DOCK1: variants seen among roughly 807,000 people sequenced by gnomAD.
The protein encoded by DOCK1 is dedicator of cytokinesis 1, also known as dedicator of cytokinesis protein 1.
In DOCK1, 138 loss-of-function variants were observed where a neutral mutation model predicts 262.7. The observed-to-expected ratio is 0.53, with a 90% confidence interval of 0.46 to 0.61. The LOEUF is 0.61. Ranked by LOEUF, DOCK1 falls within the 20% of genes least tolerant of loss-of-function variation. DOCK1 has a pLI of 0.00. For missense variants in DOCK1, 1,908 were observed against 2,370.7 expected (o/e 0.80, Z 4.05); for synonymous variants, 866 against 867.4 (o/e 1.00, Z 0.03).
intron 32 of DOCK1, among the ~76,000 whole-genome samples, chr10:127,357,358 A>G (rs1004512626): frequency 2.0e-5 from 3 of 152,236 alleles, no homozygotes; most frequent in African/African-American, 7.2e-5. Context: ...CATGATAACA[A>G]TGAAGGAAGG....
intron 8 of DOCK1, chr10:126,998,603 C>T (rs188339674): frequency 8.0e-5 from 14 of 176,078 alleles, no homozygotes; most frequent in Non-Finnish European, 1.6e-4. Flanking sequence ...ATCACTATTT[C>T]CATTTTTCAA....
chr10:127,411,443 C>T (rs1054871230), intron 43 of DOCK1, among the ~76,000 whole-genome samples: 10 of 152,286 alleles, frequency 6.6e-5, no homozygotes, highest in Admixed American at 5.9e-4. Context: ...CCGGGTTATT[C>T]TCTGTGGTGG....
intron 23 of DOCK1, among the ~76,000 whole-genome samples, chr10:127,090,143 C>T (rs1298251793): frequency 6.6e-6 from 1 of 151,994 alleles, no homozygotes; most frequent in Non-Finnish European, 1.5e-5. Flanking sequence ...ATTTTTTTTC[C>T]TGGGCAGGTT....
At chr10:127,021,146 C>G (rs2042392786) in intron 13 of DOCK1, among the ~76,000 whole-genome samples, 1 of 152,062 alleles carries the variant, frequency 6.6e-6, no homozygotes, top group Middle Eastern at 3.2e-3. Flanking sequence ...CTGTGCTGGC[C>G]CTGGAGTAAC....
At chr10:127,077,394 CAAAATA>C (rs992631503) in intron 23 of DOCK1, among the ~76,000 whole-genome samples, 25 of 152,022 alleles carry the variant, frequency 1.6e-4, no homozygotes, top group Middle Eastern at 3.4e-3. Context: ...GACTGTGTCT[CAAAATA>C]AAAATAAAAA....
chr10:126,957,595 G>C (rs2036855085), intron 1 of DOCK1, among the ~76,000 whole-genome samples: 1 of 152,004 alleles, frequency 6.6e-6, no homozygotes, highest in Non-Finnish European at 1.5e-5. Flanking sequence ...AAGTGATCCT[G>C]CCTCAGCCTC....
At chr10:127,330,656 C>T (rs1306983342) in intron 29 of DOCK1, among the ~76,000 whole-genome samples, 3 of 152,224 alleles carry the variant, frequency 2.0e-5, no homozygotes, top group Non-Finnish European at 4.4e-5. Flanking sequence ...GGGTTGCAGC[C>T]TGCAGGCCAG....
chr10:127,078,895 C>A (rs772560185), intron 23 of DOCK1, among the ~76,000 whole-genome samples: 1 of 152,150 alleles, frequency 6.6e-6, no homozygotes, highest in Non-Finnish European at 1.5e-5. Context: ...TGTTCTCATA[C>A]TTAAAGACAG....
chr10:127,120,937 C>T (rs1451532746), intron 25 of DOCK1, among the ~76,000 whole-genome samples: 1 of 152,152 alleles, frequency 6.6e-6, no homozygotes, highest in Non-Finnish European at 1.5e-5. Context: ...ATACACACAT[C>T]GTATCATTTA....
chr10:127,332,135 A>G (rs1275362962), intron 29 of DOCK1, among the ~76,000 whole-genome samples: 1 of 152,202 alleles, frequency 6.6e-6, no homozygotes, highest in Non-Finnish European at 1.5e-5. Flanking sequence ...CACTCTGTTT[A>G]TTAGGCATCA....
chr10:127,023,882 C>T (rs1044636740), intron 14 of DOCK1, among the ~76,000 whole-genome samples: 1 of 152,108 alleles, frequency 6.6e-6, no homozygotes, highest in Non-Finnish European at 1.5e-5. Context: ...AAAATGAAGG[C>T]CCTAAGAAAT....
intron 27 of DOCK1, among the ~76,000 whole-genome samples, chr10:127,187,103 C>A (rs1458349724): frequency 1.3e-5 from 2 of 152,206 alleles, no homozygotes; most frequent in Non-Finnish European, 2.9e-5. Context: ...CGGGCAGGCA[C>A]CCAAAGCAGG....
chr10:126,911,132 G>A (rs1378245520), intron 1 of DOCK1, among the ~76,000 whole-genome samples: 4 of 152,184 alleles, frequency 2.6e-5, no homozygotes, highest in Non-Finnish European at 5.9e-5. Context: ...AACTTTCCTG[G>A]AGTAACTGTG....
intron 27 of DOCK1, among the ~76,000 whole-genome samples, chr10:127,171,063 G>C (rs1370830467): frequency 6.6e-6 from 1 of 152,184 alleles, no homozygotes; most frequent in African/African-American, 2.4e-5. Context: ...TTATAAGTGG[G>C]AGCTTTGTAG....
chr10:127,263,951 GTC>G (rs1773603161), intron 29 of DOCK1, among the ~76,000 whole-genome samples: 1 of 152,178 alleles, frequency 6.6e-6, no homozygotes, highest in Non-Finnish European at 1.5e-5. Flanking sequence ...TAGGAAGTGA[GTC>G]TGCCAGGTAA....
At chr10:127,295,802 A>G (rs2061486969) in intron 29 of DOCK1, among the ~76,000 whole-genome samples, 1 of 152,180 alleles carries the variant, frequency 6.6e-6, no homozygotes, top group South Asian at 2.1e-4. Context: ...TAGATAACCA[A>G]TAAAGTAGCT....
intron 23 of DOCK1, among the ~76,000 whole-genome samples, chr10:127,062,886 C>T (rs956200143): frequency 6.6e-6 from 1 of 152,150 alleles, no homozygotes; most frequent in Non-Finnish European, 1.5e-5. Flanking sequence ...TCCTTCTGTC[C>T]TTCTTCCCTC....
At chr10:127,421,320 GCTTTGGTTGTGAGC>G (rs2068495192) in intron 46 of DOCK1, among the ~76,000 whole-genome samples, 2 of 152,158 alleles carry the variant, frequency 1.3e-5, no homozygotes, top group South Asian at 4.1e-4. Context: ...GCAAGGCTGA[GCTTTGGTTGTGAGC>G]CAAGGTACGA....
chr10:126,958,665 T>C (rs1273358703), intron 1 of DOCK1, among the ~76,000 whole-genome samples: 1 of 152,160 alleles, frequency 6.6e-6, no homozygotes, highest in Non-Finnish European at 1.5e-5. Flanking sequence ...TACTAGAATA[T>C]GTGCCACAGG....
Sources: gnomAD v4.1 joint callset for allele counts (sites outside exome capture counted in the v4.1 genomes callset) on GRCh38, gnomAD v4.1.1 for gene constraint, MANE v1.5 for transcripts, NCBI Gene and HGNC (gene_info 2026-07-23, HGNC 2026-07-21) for gene names.